Variants in FERMT2 observed in about 807,000 individuals in gnomAD.
FERMT2 encodes fermitin family homolog 2.
In FERMT2, 15 loss-of-function variants were observed where a neutral mutation model predicts 82.7. The observed-to-expected ratio is 0.18, with a 90% confidence interval of 0.12 to 0.28. The LOEUF (loss-of-function observed/expected upper bound fraction) is 0.28. Ranked by LOEUF, FERMT2 falls within the 10% of genes least tolerant of loss-of-function variation. FERMT2 has a pLI of 1.00. For missense variants in FERMT2, 645 were observed against 809.4 expected (o/e 0.80, Z 2.46); for synonymous variants, 274 against 271.5 (o/e 1.01, Z -0.09).
At chr14:52,950,346 A>T in intron 2 of FERMT2, 66 bp downstream of exon 2, 20 of 1,460,164 alleles carry the variant, frequency 1.4e-5, no homozygotes, top group Non-Finnish European at 1.6e-5. Flanking sequence ...CCCCGTCGTG[A>T]GCCTCTTTCC....
chr14:52,873,360 G>C (rs906842353), intron 9 of FERMT2, among the ~76,000 whole-genome samples: 1 of 152,250 alleles, frequency 6.6e-6, no homozygotes, highest in African/African-American at 2.4e-5. Context: ...TGGCAGGACT[G>C]AAAGTGGGGG....
At chr14:52,912,059 A>AC (rs944112156) in intron 3 of FERMT2, among the ~76,000 whole-genome samples, 1 of 149,796 alleles carries the variant, frequency 6.7e-6, no homozygotes, top group African/African-American at 2.5e-5. Flanking sequence ...GCTATCAGAT[A>AC]CCCCCCTTCC....
chr14:52,905,405 A>G (rs1887946924), intron 3 of FERMT2, among the ~76,000 whole-genome samples: 1 of 152,196 alleles, frequency 6.6e-6, no homozygotes, highest in Non-Finnish European at 1.5e-5. Flanking sequence ...ACTTTAATTC[A>G]GCATTTATTG....
At chr14:52,932,983 G>A (rs547693346) in intron 2 of FERMT2, among the ~76,000 whole-genome samples, 42 of 151,812 alleles carry the variant, frequency 2.8e-4, no homozygotes, top group African/African-American at 5.3e-4. Flanking sequence ...CTCATATAGC[G>A]TTATTATTAA....
At chr14:52,866,608 C>T (rs1234951709) in intron 10 of FERMT2, among the ~76,000 whole-genome samples, 1 of 152,346 alleles carries the variant, frequency 6.6e-6, no homozygotes, top group Non-Finnish European at 1.5e-5. Flanking sequence ...AAAGGTTTCA[C>T]TACAGATTCA....
At chr14:52,917,192 G>A (rs6572871) in intron 3 of FERMT2, among the ~76,000 whole-genome samples, 21,295 of 151,942 alleles carry the variant, frequency 0.14, 1,730 homozygotes, top group African/African-American at 0.22. Flanking sequence ...TTGCACACAC[G>A]TACAAAACTT....
chr14:52,944,696 G>A (rs768924140), intron 2 of FERMT2, among the ~76,000 whole-genome samples: 10 of 152,158 alleles, frequency 6.6e-5, no homozygotes, highest in African/African-American at 4.8e-5. Flanking sequence ...TAATGATCAC[G>A]TTAAGGGATT....
chr14:52,913,950 T>C (rs1047990111), intron 3 of FERMT2, among the ~76,000 whole-genome samples: 1 of 151,944 alleles, frequency 6.6e-6, no homozygotes, highest in Non-Finnish European at 1.5e-5. Context: ...TCTCAGAGAG[T>C]GACAAGAACC....
chr14:52,892,948 G>C lies in FERMT2; in HGVS notation c.526+345C>G, dbSNP rs536020108. ...ACCTGACATGATGATTTGCACATGAGAGAAACTGACACTGGATAGTGATTT... is the reference window on the plus strand; with the variant it reads ...ACCTGACATGATGATTTGCACATGACAGAAACTGACACTGGATAGTGATTT... On this transcript the variant is annotated intron_variant, in intron 4 of 14. Coordinates refer to ENST00000341590, the MANE Select transcript of FERMT2 (RefSeq NM_006832.3). Among the ~76,000 whole-genome samples the C allele has an allele frequency of 9.8e-5, 15 of 152,288 alleles. No homozygotes were observed. In the South Asian group the frequency reaches 1.0e-3, roughly 11 times the overall value.
chr14:52,919,035 C>T, intron 3 of FERMT2, 88 bp downstream of exon 3: 3 of 864,116 alleles, frequency 3.5e-6, no homozygotes, highest in Non-Finnish European at 5.6e-6. Context: ...TCAGCCCATG[C>T]CCCATCCCTT....
chr14:52,881,835 G>T, intron 4 of FERMT2: 1 of 1,251,148 alleles, frequency 8.0e-7, no homozygotes, highest in Non-Finnish European at 1.0e-6. Flanking sequence ...GTGCCTATAG[G>T]AAAGGAAAGA....
At chr14:52,943,374 T>C (rs980772573) in intron 2 of FERMT2, among the ~76,000 whole-genome samples, 1 of 152,166 alleles carries the variant, frequency 6.6e-6, no homozygotes. Context: ...CTTAATGTAA[T>C]GTCAATAAGC....
chr14:52,940,546 G>A (rs1159775027), intron 2 of FERMT2, among the ~76,000 whole-genome samples: 1 of 152,258 alleles, frequency 6.6e-6, no homozygotes, highest in Non-Finnish European at 1.5e-5. Context: ...TATATTTAAA[G>A]ACATTCAGAT....
chr14:52,905,612 T>G (rs8008270), intron 3 of FERMT2, among the ~76,000 whole-genome samples: 2 of 151,972 alleles, frequency 1.3e-5, no homozygotes, highest in African/African-American at 4.8e-5. Context: ...CGAGACAAAA[T>G]GAACATTTCG....
At chr14:52,923,213 G>GT (rs1555372518) in intron 2 of FERMT2, among the ~76,000 whole-genome samples, 1 of 149,984 alleles carries the variant, frequency 6.7e-6, no homozygotes, top group African/African-American at 2.4e-5. Context: ...GTTGGGGGGG[G>GT]AATCCAAAGA....
At chr14:52,941,432 C>A (rs1890086718) in intron 2 of FERMT2, among the ~76,000 whole-genome samples, 1 of 151,838 alleles carries the variant, frequency 6.6e-6, no homozygotes. Context: ...CCTCAATGAG[C>A]CTGACACTAA....
At chr14:52,899,239 G>A (rs1372003905) in intron 3 of FERMT2, among the ~76,000 whole-genome samples, 1 of 152,018 alleles carries the variant, frequency 6.6e-6, no homozygotes, top group Non-Finnish European at 1.5e-5. Context: ...GGCTCTAGCG[G>A]CTTGTTTTAT....
intron 2 of FERMT2, among the ~76,000 whole-genome samples, chr14:52,925,360 C>T (rs1465617566): frequency 6.6e-6 from 1 of 151,974 alleles, no homozygotes; most frequent in Non-Finnish European, 1.5e-5. Flanking sequence ...GAGTTTGAGA[C>T]CAGCCTGGCC....
At chr14:52,860,552 C>T (rs1182529217) in intron 12 of FERMT2, 87 bp from the exon 13 acceptor site, 19 of 1,131,998 alleles carry the variant, frequency 1.7e-5, no homozygotes, top group Admixed American at 1.0e-4. Flanking sequence ...TTGAATTACG[C>T]ACCCCGTACC....
Sources: allele counts gnomAD v4.1 joint callset (sites outside exome capture counted in the v4.1 genomes callset), GRCh38; gene constraint gnomAD v4.1.1; transcripts MANE v1.5; gene names NCBI Gene and HGNC (gene_info 2026-07-23, HGNC 2026-07-21).